The following PSMF1 variants were observed in gnomAD, a reference collection of about 807,000 sequenced individuals.
The protein encoded by PSMF1 is proteasome inhibitor subunit 1, also known as proteasome inhibitor PI31 subunit.
PSMF1 carries 30 observed loss-of-function variants against 29.3 expected under a neutral mutation model. The observed-to-expected ratio is 1.02, with a 90% CI of 0.77 to 1.39. The LOEUF (loss-of-function observed/expected upper bound fraction) is 1.39, where lower values mean the gene tolerates loss of function less well. PSMF1 is among the 40% of genes most tolerant of loss of function. PSMF1 has a pLI of 0.00. For synonymous variants in PSMF1, 134 were observed against 139.7 expected (o/e 0.96, Z 0.29); for missense variants, 344 against 357.5 (o/e 0.96, Z 0.31).
In PSMF1 at chr20:1,166,212, C is replaced by T; in HGVS notation, c.*1132C>T. 6.2e-7 allele frequency: 1 copy of T among 1,612,170 alleles called. No individual in the cohort carries two copies. Among genetic ancestry groups the T allele is most frequent in the Non-Finnish European group, 8.5e-7 (1 of 1,179,668 alleles). On this transcript the variant is annotated 3_prime_UTR_variant, in exon 7 of 7. Transcript: ENST00000335877. ...TGGCCCACCTGACCTTTGGTGTTCT[C>T]CGGATCCTTTTCAGCCCGAGGCCTG...
At position 1,163,307 on chromosome 20, in the gene PSMF1, G is replaced by A; in HGVS notation, c.605+124G>A. The A allele has an allele frequency of 9.3e-7, 1 of 1,069,792 alleles. No individual in the cohort carries two copies. Among genetic ancestry groups the A allele is most frequent in the Non-Finnish European group, 1.4e-6 (1 of 721,070 alleles). The allele number at this position is 1,069,792 out of a possible 1,614,324, so 66.3% of individuals were successfully genotyped here. On this transcript the variant is annotated intron_variant, in intron 5 of 6. Coordinates refer to ENST00000335877, the MANE Select transcript of PSMF1 (RefSeq NM_006814.5). The surrounding 1 kb of genome is among the most constrained non-coding windows in gnomAD (Gnocchi z 6.1). ...CTTTGGGGTGGAGGAGGCAGTTGTT[G>A]CTGAGCAGCTGAGAAAGCACTGCCA...
At position 1,166,548 on chromosome 20, in the gene PSMF1, G is replaced by A. The variant is rs1437084660; in HGVS notation, c.*1468G>A. 1 of 422,364 alleles carries A rather than the reference G, an allele frequency of 2.4e-6. No individual in the cohort carries two copies. Among genetic ancestry groups the A allele is most frequent in the African/African-American group, 2.0e-5 (1 of 50,280 alleles). 26.2% of individuals were successfully genotyped at this position (422,364 alleles called of 1,614,324 possible). On this transcript the variant is annotated 3_prime_UTR_variant, in exon 7 of 7. Coordinates refer to ENST00000335877, the MANE Select transcript of PSMF1 (RefSeq NM_006814.5). ...AAACTAAACTGATGCCTAGGCCCAG[G>A]GTCAGTCTCAGATGGAAGCTGGGCC...
At chr20:1,125,375 CT>C in intron 1 of PSMF1, 122 bp from the exon 2 acceptor site, 2 of 1,100,234 alleles carry the variant, frequency 1.8e-6, no homozygotes, top group Non-Finnish European at 2.5e-6. Context: ...CAAGTCATTT[CT>C]CTTGACCTCC....
At chr20:1,120,526 A>G (rs1444434874) in intron 1 of PSMF1, among the ~76,000 whole-genome samples, 2 of 152,160 alleles carry the variant, frequency 1.3e-5, no homozygotes, top group African/African-American at 4.8e-5. Context: ...CTTTCAATGC[A>G]TAGTTCCCCT....
intron 4 of PSMF1, among the ~76,000 whole-genome samples, chr20:1,144,948 C>G (rs990977624): frequency 3.9e-5 from 6 of 151,954 alleles, no homozygotes; most frequent in Non-Finnish European, 8.8e-5. Flanking sequence ...TGCAGTGGTG[C>G]GATCTCGGCT....
Position 1,166,001 on chromosome 20 carries a change from C to T in PSMF1, c.*921C>T. On this transcript the variant is annotated 3_prime_UTR_variant, in exon 7 of 7. Coordinates refer to ENST00000335877, the MANE Select transcript of PSMF1 (RefSeq NM_006814.5). ...TGTCTCATTCTGTGTTTGGTAACCC[C>T]TATAAACTGGGGCAGAGGAAAAGAA... The T allele has an allele frequency of 2.8e-6, 4 of 1,423,124 alleles. No individual in the cohort carries two copies. The highest frequency in any genetic ancestry group is 5.2e-4 in the Middle Eastern group (2 of 3,818). 88.2% of individuals were successfully genotyped at this position (1,423,124 alleles called of 1,614,324 possible).
In PSMF1 at chr20:1,163,558, G is replaced by A. The variant is rs937943834; in HGVS notation, c.605+375G>A. Among the ~76,000 whole-genome samples, 32 of 152,232 alleles carry A rather than the reference G, an allele frequency of 2.1e-4. No homozygotes were observed. The highest frequency in any genetic ancestry group is 7.7e-4 in the African/African-American group (32 of 41,462). The stretch of plus-strand genomic sequence containing the variant: ...AGTCTCTGAGCCCCATTAGACTCTG[G>A]ATGGTTCTTATGCATCCAACAAAGT... On this transcript the variant is annotated intron_variant, in intron 5 of 6. Transcript: ENST00000335877. The surrounding 1 kb of genome is among the most constrained non-coding windows in gnomAD (Gnocchi z 6.1).
In PSMF1 at chr20:1,167,072, T is replaced by A. The variant is rs2086738340; in HGVS notation, c.*1992T>A. On this transcript the variant is annotated 3_prime_UTR_variant, in exon 7 of 7. Transcript: ENST00000335877. ...TGTGATTCACCTTCAGAATTGGCCATTTTTTTTGTGAGTTTCCTTGCATCA... is the reference window on the plus strand; with the variant it reads ...TGTGATTCACCTTCAGAATTGGCCAATTTTTTTGTGAGTTTCCTTGCATCA... 1 of 151,960 alleles carries A rather than the reference T, an allele frequency of 6.6e-6. No individual in the cohort carries two copies. The highest frequency in any genetic ancestry group is 2.1e-4 in the South Asian group (1 of 4,828). 9.4% of individuals were successfully genotyped at this position (151,960 alleles called of 1,614,324 possible). A position where few individuals can be genotyped will look rare whatever the true frequency, so the allele number is the denominator to read the frequency against.
rs770803195 is a variant in PSMF1, at chr20:1,118,803, G to T, written c.30G>T (p.Ser10=). Reference sequence around the variant, plus strand: ...CGGGCCTGGAGGTACTGTTCGCATCGGCAGCGCCGGCCATCACCTGCAGGC... The same window carrying T: ...CGGGCCTGGAGGTACTGTTCGCATCTGCAGCGCCGGCCATCACCTGCAGGC... MAGLEVLFA[S]AAPAITCRQD... Residue 10 remains serine, a synonymous_variant, in exon 1 of 7, where the codon TCG becomes TCT. Transcript: ENST00000335877. 6 of 1,613,164 alleles carry T rather than the reference G, an allele frequency of 3.7e-6. No individual in the cohort carries two copies. Among genetic ancestry groups the T allele is most frequent in the Non-Finnish European group, 5.1e-6 (6 of 1,179,614 alleles).
At chr20:1,148,035 C>T (rs1278459179) in intron 4 of PSMF1, among the ~76,000 whole-genome samples, 1 of 152,210 alleles carries the variant, frequency 6.6e-6, no homozygotes, top group Non-Finnish European at 1.5e-5. Flanking sequence ...TCACCTTAAA[C>T]ACTCTTGTTT....
At chr20:1,157,480 C>G (rs2122590117) in intron 4 of PSMF1, among the ~76,000 whole-genome samples, 1 of 152,304 alleles carries the variant, frequency 6.6e-6, no homozygotes, top group South Asian at 2.1e-4. Flanking sequence ...ATCCCCAACC[C>G]AAATACTATT....
chr20:1,125,981 G>A, intron 2 of PSMF1: 1 of 477,456 alleles, frequency 2.1e-6, no homozygotes, highest in Non-Finnish European at 4.2e-6. Context: ...TGAATTCTTT[G>A]CTGCCTTGGA....
rs2404 is a variant in PSMF1, at chr20:1,166,309, G to A, written c.*1229G>A. On this transcript the variant is annotated 3_prime_UTR_variant, in exon 7 of 7. Coordinates refer to ENST00000335877, the MANE Select transcript of PSMF1 (RefSeq NM_006814.5). ...GATAGAGCACCAGGCTAAGAGGCAC[G>A]AGATCAAGGCGGTAGTCACTTCCGC... The A allele has an allele frequency of 2.2e-5, 34 of 1,562,036 alleles. No homozygotes were observed. The highest frequency in any genetic ancestry group is 5.1e-5 in the Admixed American group (3 of 58,688).
chr20:1,165,404 C>T lies in PSMF1; in HGVS notation c.*324C>T, dbSNP rs17716261. ...CATATATCCTCGACCAGATGCAGTGCTATAAGAACAGAACGCATTTTGGAT... is the reference window on the plus strand; with the variant it reads ...CATATATCCTCGACCAGATGCAGTGTTATAAGAACAGAACGCATTTTGGAT... On this transcript the variant is annotated 3_prime_UTR_variant, in exon 7 of 7. Transcript: ENST00000335877. 57,214 of 1,214,492 alleles carry T rather than the reference C, an allele frequency of 0.047. 1,528 individuals carry two copies. Among genetic ancestry groups the T allele is most frequent in the Middle Eastern group, 0.057 (172 of 3,016 alleles). 75.2% of individuals were successfully genotyped at this position (1,214,492 alleles called of 1,614,324 possible).
intron 4 of PSMF1, among the ~76,000 whole-genome samples, chr20:1,144,152 A>G (rs574575108): frequency 6.6e-6 from 1 of 152,332 alleles, no homozygotes; most frequent in Admixed American, 6.5e-5. Flanking sequence ...GGATGTACAG[A>G]TGGCAAAGAA....
intron 4 of PSMF1, among the ~76,000 whole-genome samples, chr20:1,160,252 C>G (rs1312210042): frequency 1.3e-5 from 2 of 151,996 alleles, no homozygotes; most frequent in Non-Finnish European, 2.9e-5. Context: ...TGATGACCCC[C>G]TTTCCCCTCA....
In PSMF1 at chr20:1,163,080, G is replaced by A; in HGVS notation, c.552-50G>A. The A allele has an allele frequency of 6.2e-7, 1 of 1,600,178 alleles. No homozygotes were observed. The highest frequency in any genetic ancestry group is 2.2e-5 in the East Asian group (1 of 44,792). On this transcript the variant is annotated intron_variant, in intron 4 of 6. Coordinates refer to ENST00000335877, the MANE Select transcript of PSMF1 (RefSeq NM_006814.5). The surrounding 1 kb of genome is among the most constrained non-coding windows in gnomAD (Gnocchi z 6.1). Reference sequence around the variant, plus strand: ...TGTGTTTGTGATCCCACATGTATCAGGTGCCTGGCTGCTCTGGGACTTGCA... The same window carrying A: ...TGTGTTTGTGATCCCACATGTATCAAGTGCCTGGCTGCTCTGGGACTTGCA...
chr20:1,120,006 A>G (rs2086066101), intron 1 of PSMF1, among the ~76,000 whole-genome samples: 1 of 151,968 alleles, frequency 6.6e-6, no homozygotes, highest in South Asian at 2.1e-4. Context: ...CTCCTGACAT[A>G]GCTTTAGGGA....
intron 4 of PSMF1, among the ~76,000 whole-genome samples, chr20:1,154,805 T>C (rs933897357): frequency 6.6e-6 from 1 of 152,190 alleles, no homozygotes; most frequent in Non-Finnish European, 1.5e-5. Flanking sequence ...TCTGAAAATA[T>C]TTAGGTTGTT....
Sources: gnomAD v4.1 joint callset for allele counts (sites outside exome capture counted in the v4.1 genomes callset) on GRCh38, gnomAD v4.1.1 for gene constraint, Gnocchi (gnomAD v3.1) non-coding constraint, MANE v1.5 for transcripts, NCBI Gene and HGNC (gene_info 2026-07-23, HGNC 2026-07-21) for gene names.